The following RBFOX1 variants were observed in gnomAD, a reference collection of about 807,000 sequenced individuals.
RBFOX1 encodes RNA binding fox-1 homolog 1, also known as RNA binding protein fox-1 homolog 1.
In RBFOX1, 8 loss-of-function variants were observed where a neutral mutation model predicts 57.7. That is an observed-to-expected ratio of 0.14 (90% CI 0.08 to 0.25). The LOEUF (loss-of-function observed/expected upper bound fraction) is 0.25. Ranked by LOEUF, RBFOX1 falls within the 10% of genes least tolerant of loss-of-function variation. RBFOX1 has a pLI of 1.00. For synonymous variants in RBFOX1, 326 were observed against 222.4 expected, an observed-to-expected ratio of 1.47 and a Z score of -4.15; for missense variants, 611 against 548.5, an observed-to-expected ratio of 1.11 and a Z score of -1.14.
chr16:6,869,760 C>G (rs1049500427), intron 3 of RBFOX1, among the ~76,000 whole-genome samples: 2 of 152,130 alleles, frequency 1.3e-5, no homozygotes, highest in South Asian at 2.1e-4. Flanking sequence ...GGGTAAAATT[C>G]TAAACAGCAT....
intron 3 of RBFOX1, among the ~76,000 whole-genome samples, chr16:6,895,647 C>G (rs558958849): frequency 6.6e-6 from 1 of 150,738 alleles, no homozygotes; most frequent in Admixed American, 6.6e-5. Context: ...CTTGACAATG[C>G]CAATGTTTTG....
intron 7 of RBFOX1, among the ~76,000 whole-genome samples, chr16:7,590,410 G>A (rs1602659274): frequency 6.6e-6 from 1 of 152,236 alleles, no homozygotes; most frequent in East Asian, 1.9e-4. Context: ...ATTTTAAAGA[G>A]ATGTCAGAGA....
chr16:7,283,128 G>T (rs1487236385), intron 4 of RBFOX1, among the ~76,000 whole-genome samples: 2 of 152,068 alleles, frequency 1.3e-5, no homozygotes, highest in Non-Finnish European at 2.9e-5. Context: ...TAGTGGGATT[G>T]TTGGATCAAA....
chr16:7,654,262 G>A (rs1348533207), intron 12 of RBFOX1, among the ~76,000 whole-genome samples: 1 of 152,200 alleles, frequency 6.6e-6, no homozygotes, highest in Non-Finnish European at 1.5e-5. Flanking sequence ...TCTGATGATT[G>A]CAAACATCTG....
At chr16:7,096,330 C>G (rs563961580) in intron 4 of RBFOX1, among the ~76,000 whole-genome samples, 2 of 152,148 alleles carry the variant, frequency 1.3e-5, no homozygotes, top group Non-Finnish European at 2.9e-5. Flanking sequence ...CAGGTGGATG[C>G]AGATCATCTC....
chr16:7,365,436 T>A (rs946979438), intron 4 of RBFOX1, among the ~76,000 whole-genome samples: 1 of 152,202 alleles, frequency 6.6e-6, no homozygotes, highest in East Asian at 1.9e-4. Flanking sequence ...TAATGTTGAA[T>A]TGCTGTATTA....
intron 2 of RBFOX1, among the ~76,000 whole-genome samples, chr16:5,580,034 G>C (rs1394153793): frequency 6.6e-6 from 1 of 152,128 alleles, no homozygotes; most frequent in Non-Finnish European, 1.5e-5. Flanking sequence ...GCCTCCCAAA[G>C]TGCTGGGATT....
rs145061813 is a variant in RBFOX1 at position 5,578,425 on chromosome 16, C to A, written c.259-20477C>A. Among the ~76,000 whole-genome samples, 350 of 152,250 alleles carry A rather than the reference C, an allele frequency of 2.3e-3. 1 individual carries two copies. Among genetic ancestry groups the A allele is most frequent in the African/African-American group, 7.9e-3 (327 of 41,554 alleles). On this transcript the variant is annotated intron_variant, in intron 2 of 2. Coordinates refer to the RBFOX1 transcript ENST00000585867. ...GGTTTGTTCCAGTTCCCTTATCCTCCCTGAATCCCAAGAAGGACCTTGGGC... is the reference window on the plus strand; with the variant it reads ...GGTTTGTTCCAGTTCCCTTATCCTCACTGAATCCCAAGAAGGACCTTGGGC...
intron 4 of RBFOX1, among the ~76,000 whole-genome samples, chr16:7,058,916 A>C (rs748632349): frequency 1.3e-5 from 2 of 152,204 alleles, no homozygotes; most frequent in Non-Finnish European, 2.9e-5. Flanking sequence ...AAAGATTGTG[A>C]TACTGGAATG....
intron 2 of RBFOX1, among the ~76,000 whole-genome samples, chr16:5,535,123 C>G (rs924591469): frequency 1.3e-5 from 2 of 152,192 alleles, no homozygotes; most frequent in Non-Finnish European, 2.9e-5. Flanking sequence ...TAAACACATG[C>G]AGCTACTTAG....
At chr16:6,150,701 C>T (rs74613823) in intron 1 of RBFOX1, among the ~76,000 whole-genome samples, 143 of 152,242 alleles carry the variant, frequency 9.4e-4, no homozygotes, top group East Asian at 4.1e-3. Context: ...CCTCTTTCCA[C>T]GGCTGGAATC....
At chr16:7,064,039 C>T (rs547988318) in intron 4 of RBFOX1, among the ~76,000 whole-genome samples, 2 of 152,000 alleles carry the variant, frequency 1.3e-5, no homozygotes, top group Non-Finnish European at 2.9e-5. Flanking sequence ...AAAAGTCATA[C>T]ATGGAAGTTC....
intron 1 of RBFOX1, among the ~76,000 whole-genome samples, chr16:6,126,775 A>G (rs898368656): frequency 6.6e-6 from 1 of 152,172 alleles, no homozygotes; most frequent in South Asian, 2.1e-4. Flanking sequence ...ATGTATCTCA[A>G]GGGTCTACTA....
At chr16:7,683,224 G>T (rs2075310407) in intron 14 of RBFOX1, among the ~76,000 whole-genome samples, 1 of 148,828 alleles carries the variant, frequency 6.7e-6, no homozygotes, top group Non-Finnish European at 1.5e-5. Flanking sequence ...TTTTAAAATT[G>T]GGTTTATGCA....
intron 3 of RBFOX1, among the ~76,000 whole-genome samples, chr16:5,785,698 T>C (rs1446745828): frequency 2.6e-5 from 4 of 152,106 alleles, no homozygotes; most frequent in Non-Finnish European, 5.9e-5. Context: ...CGGCTAATTT[T>C]GTATTTTTAA....
At chr16:5,791,057 T>A (rs1388698520) in intron 3 of RBFOX1, among the ~76,000 whole-genome samples, 1 of 151,978 alleles carries the variant, frequency 6.6e-6, no homozygotes, top group Non-Finnish European at 1.5e-5. Context: ...GTAGTAGAGA[T>A]GGAGTTTCAC....
chr16:5,892,911 T>G (rs2058080177), intron 4 of RBFOX1, among the ~76,000 whole-genome samples: 1 of 152,094 alleles, frequency 6.6e-6, no homozygotes, highest in Non-Finnish European at 1.5e-5. Flanking sequence ...CTGTAGGCCT[T>G]GAATAAAGTT....
At chr16:6,271,364 C>T (rs2075194101) in intron 1 of RBFOX1, among the ~76,000 whole-genome samples, 1 of 152,134 alleles carries the variant, frequency 6.6e-6, no homozygotes. Flanking sequence ...GTGGAGGTTG[C>T]AGTGAGTCGA....
chr16:5,401,981 A>G (rs887512896), intron 1 of RBFOX1, among the ~76,000 whole-genome samples: 5 of 151,550 alleles, frequency 3.3e-5, no homozygotes, highest in Non-Finnish European at 7.4e-5. Context: ...AAGACACACA[A>G]TGAAACTGGA....
Sources: allele counts gnomAD v4.1 joint callset (sites outside exome capture counted in the v4.1 genomes callset), GRCh38; gene constraint gnomAD v4.1.1; transcripts MANE v1.5; gene names NCBI Gene and HGNC (gene_info 2026-07-23, HGNC 2026-07-21).